Variants in ZDHHC3 observed in about 807,000 individuals in gnomAD.
The protein encoded by ZDHHC3 is palmitoyltransferase ZDHHC3.
Under a neutral mutation model 30.6 loss-of-function variants are expected in ZDHHC3, and 9 were observed. The ratio of observed to expected loss-of-function variants is 0.29; its 90% CI spans 0.18 to 0.51. ZDHHC3 has a LOEUF of 0.51. Among genes scored for constraint, ZDHHC3 ranks in the 20% least tolerant of loss-of-function variants. The pLI, the probability that ZDHHC3 is intolerant of heterozygous loss-of-function variation, is 0.97. For synonymous variants in ZDHHC3, 136 were observed against 140.2 expected (o/e 0.97, Z 0.21); for missense variants, 246 against 384.2 (o/e 0.64, Z 3.01).
rs1240587395 is a variant in ZDHHC3 at position 44,918,591 on chromosome 3, C to G, written c.*8098G>C. ...CCAGGGTAGATAGGGGCTGCAAACA[C>G]AGCAGAAGGACGATGGGGTTAAGGA... On this transcript the variant is annotated 3_prime_UTR_variant, in exon 7 of 7. Coordinates refer to ENST00000424952, the MANE Select transcript of ZDHHC3 (RefSeq NM_001135179.2). 1.0e-6 allele frequency: 1 copy of G among 985,332 alleles called. No homozygotes were observed. The highest frequency in any genetic ancestry group is 1.1e-4 in the East Asian group (1 of 8,828). 61.0% of individuals were successfully genotyped at this position (985,332 alleles called of 1,614,324 possible). A position where few individuals can be genotyped will look rare whatever the true frequency, so the allele number is the denominator to read the frequency against.
chr3:44,971,061 T>G (rs940368481), intron 1 of ZDHHC3, among the ~76,000 whole-genome samples: 1 of 152,230 alleles, frequency 6.6e-6, no homozygotes, highest in African/African-American at 2.4e-5. Flanking sequence ...AACCTGTCTT[T>G]CTAGATTCTC....
rs1022638171 is a variant in ZDHHC3 at position 44,915,700 on chromosome 3, A to G, written c.*10989T>C. The G allele has an allele frequency of 2.6e-5, 4 of 152,030 alleles. No individual in the cohort carries two copies. The highest frequency in any genetic ancestry group is 1.3e-4 in the Admixed American group (2 of 15,276). The allele number at this position is 152,030 out of a possible 1,614,324, so 9.4% of individuals were successfully genotyped here. A position where few individuals can be genotyped will look rare whatever the true frequency, so the allele number is the denominator to read the frequency against. ...TTCAGGCCAAGATGGATTCCCTAGA[A>G]GAGGAGTTTGAAGCCCAATGTGCAA... On this transcript the variant is annotated 3_prime_UTR_variant, in exon 7 of 7. Transcript: ENST00000424952.
chr3:44,970,937 A>G (rs1461812639), intron 1 of ZDHHC3, among the ~76,000 whole-genome samples: 2 of 152,224 alleles, frequency 1.3e-5, no homozygotes, highest in Non-Finnish European at 2.9e-5. Flanking sequence ...GGGCAAAATG[A>G]GACTTAGGTT....
At chr3:44,963,045 T>A (rs917198896) in intron 1 of ZDHHC3, among the ~76,000 whole-genome samples, 3 of 152,204 alleles carry the variant, frequency 2.0e-5, no homozygotes, top group African/African-American at 7.2e-5. Flanking sequence ...AATGAATGCA[T>A]GAGATTTGTG....
At chr3:44,965,005 G>A (rs948235606) in intron 1 of ZDHHC3, among the ~76,000 whole-genome samples, 6 of 152,096 alleles carry the variant, frequency 3.9e-5, no homozygotes, top group African/African-American at 1.2e-4. Context: ...CAGGGGAAAC[G>A]GATCCACAGG....
intron 1 of ZDHHC3, among the ~76,000 whole-genome samples, chr3:44,969,315 C>T (rs1705215377): frequency 6.6e-6 from 1 of 152,150 alleles, no homozygotes; most frequent in African/African-American, 2.4e-5. Flanking sequence ...CTGCCTCCAT[C>T]AGGGCACTGG....
chr3:44,964,086 A>G (rs1370654663), intron 1 of ZDHHC3, among the ~76,000 whole-genome samples: 1 of 152,178 alleles, frequency 6.6e-6, no homozygotes, highest in African/African-American at 2.4e-5. Flanking sequence ...TCTGTAGCCT[A>G]GTGTTTGGTA....
chr3:44,944,814 T>C (rs1390680589), intron 3 of ZDHHC3, among the ~76,000 whole-genome samples: 1 of 152,268 alleles, frequency 6.6e-6, no homozygotes, highest in Non-Finnish European at 1.5e-5. Flanking sequence ...AAGCTTTTTC[T>C]CATGGTACCC....
intron 1 of ZDHHC3, among the ~76,000 whole-genome samples, chr3:44,973,171 T>C (rs1279072509): frequency 6.6e-6 from 1 of 152,194 alleles, no homozygotes. Context: ...AACTATATAG[T>C]TCATAGGACA....
At chr3:44,963,297 G>A (rs1324945667) in intron 1 of ZDHHC3, among the ~76,000 whole-genome samples, 1 of 152,170 alleles carries the variant, frequency 6.6e-6, no homozygotes, top group Admixed American at 6.5e-5. Flanking sequence ...AGCCAAAGGT[G>A]TACCTGGCAG....
Position 44,921,963 on chromosome 3 carries a change from T to G in ZDHHC3, c.*4726A>C. On this transcript the variant is annotated 3_prime_UTR_variant, in exon 7 of 7. Coordinates refer to ENST00000424952, the MANE Select transcript of ZDHHC3 (RefSeq NM_001135179.2). ...CTTGTCCTCACTCCTTGGATCAGCT[T>G]CATCGGCTCCTCCTGTGGGCCCAAC... The G allele has an allele frequency of 1.0e-6, 1 of 985,424 alleles. No individual in the cohort carries two copies. The highest frequency in any genetic ancestry group is 1.2e-6 in the Non-Finnish European group (1 of 829,936). The allele number at this position is 985,424 out of a possible 1,614,324, so 61.0% of individuals were successfully genotyped here. A position where few individuals can be genotyped will look rare whatever the true frequency, so the allele number is the denominator to read the frequency against.
chr3:44,962,153 C>T (rs1465016193), intron 1 of ZDHHC3, among the ~76,000 whole-genome samples: 1 of 151,758 alleles, frequency 6.6e-6, no homozygotes, highest in African/African-American at 2.4e-5. Flanking sequence ...CTCTATCAAA[C>T]TGTTTTTTTT....
chr3:44,921,601 A>T lies in ZDHHC3; in HGVS notation c.*5088T>A. 1 of 985,446 alleles carries T rather than the reference A, an allele frequency of 1.0e-6. No individual in the cohort carries two copies. The allele number at this position is 985,446 out of a possible 1,614,324, so 61.0% of individuals were successfully genotyped here. On this transcript the variant is annotated 3_prime_UTR_variant, in exon 7 of 7. Coordinates refer to ENST00000424952, the MANE Select transcript of ZDHHC3 (RefSeq NM_001135179.2). ...GGTTTGAAAAGCACAGCTCCAACACAGCTAACATTTATAAAGCCATACCAG... is the reference window on the plus strand; with the variant it reads ...GGTTTGAAAAGCACAGCTCCAACACTGCTAACATTTATAAAGCCATACCAG...
rs1700677632 is a variant in ZDHHC3, at chr3:44,922,627, C to T, written c.*4062G>A. The T allele has an allele frequency of 2.0e-6, 2 of 985,222 alleles. No homozygotes were observed. Among genetic ancestry groups the T allele is most frequent in the Non-Finnish European group, 2.4e-6 (2 of 829,920 alleles). 61.0% of individuals were successfully genotyped at this position (985,222 alleles called of 1,614,324 possible). A position where few individuals can be genotyped will look rare whatever the true frequency, so the allele number is the denominator to read the frequency against. On this transcript the variant is annotated 3_prime_UTR_variant, in exon 7 of 7. Transcript: ENST00000424952. ...ACACAAGACCCATATCACCAGCAGG[C>T]ATCAGGGACCACCTGAGGGGGGACT...
chr3:44,973,169 A>C (rs1705545862), intron 1 of ZDHHC3, among the ~76,000 whole-genome samples: 1 of 152,230 alleles, frequency 6.6e-6, no homozygotes, highest in Non-Finnish European at 1.5e-5. Flanking sequence ...TTAACTATAT[A>C]GTTCATAGGA....
chr3:44,941,198 G>C (rs989255179), intron 3 of ZDHHC3, among the ~76,000 whole-genome samples: 1 of 152,214 alleles, frequency 6.6e-6, no homozygotes, highest in Non-Finnish European at 1.5e-5. Flanking sequence ...AAGGTACTAA[G>C]TGAGCCATGG....
intron 3 of ZDHHC3, chr3:44,937,537 C>T (rs1702066364): frequency 2.1e-5 from 3 of 142,844 alleles, no homozygotes; most frequent in South Asian, 4.5e-4. Flanking sequence ...GAGATCCTGT[C>T]TCTAAAAATA....
intron 2 of ZDHHC3, among the ~76,000 whole-genome samples, chr3:44,954,155 C>T (rs1035236761): frequency 1.3e-5 from 2 of 151,660 alleles, no homozygotes; most frequent in Non-Finnish European, 2.9e-5. Flanking sequence ...CTGAGATAGT[C>T]ATGGAGGTCT....
At chr3:44,937,091 C>G (rs1702030681) in intron 3 of ZDHHC3, among the ~76,000 whole-genome samples, 1 of 151,966 alleles carries the variant, frequency 6.6e-6, no homozygotes, top group Non-Finnish European at 1.5e-5. Flanking sequence ...TTGTTCAAAA[C>G]AGGTTGAAAT....
Sources: allele counts gnomAD v4.1 joint callset (sites outside exome capture counted in the v4.1 genomes callset), GRCh38; gene constraint gnomAD v4.1.1; transcripts MANE v1.5; gene names NCBI Gene and HGNC (gene_info 2026-07-23, HGNC 2026-07-21).